The following TYR variants were observed in gnomAD, a reference collection of about 807,000 sequenced individuals.
TYR encodes tyrosinase.
In TYR, 58 loss-of-function variants were observed where a neutral mutation model predicts 51.5. That is an observed-to-expected ratio of 1.13 (90% CI 0.91 to 1.40). TYR has a LOEUF of 1.40. Among genes scored for constraint, TYR ranks in the 40% most tolerant of loss-of-function variants. The probability of loss-of-function intolerance (pLI) is 0.00; values close to 1 mark genes in which losing one functional copy is unlikely to be tolerated. For missense variants in TYR, 732 were observed against 647.4 expected, an observed-to-expected ratio of 1.13 and a Z score of -1.42; for synonymous variants, 263 against 235.2, an observed-to-expected ratio of 1.12 and a Z score of -1.08.
chr11:89,245,941 C>CA lies in TYR; in HGVS notation c.1184+17979dup, dbSNP rs200386722. ...ATCTCAAAAAAAAAAAACAAACAAA[C>CA]AAAAAAAACAAAACAGAATCTGAAG... is the stretch of plus-strand genomic sequence containing the variant. On this transcript the variant is annotated intron_variant, in intron 3 of 4. Transcript: ENST00000263321. 1.4e-3 allele frequency among the ~76,000 whole-genome samples: 209 copies of CA among 150,630 alleles called. 2 individuals are homozygous for CA. The highest frequency in any genetic ancestry group is 3.8e-3 in the African/African-American group (154 of 41,032).
At chr11:89,251,360 T>C (rs1164533185) in intron 3 of TYR, among the ~76,000 whole-genome samples, 1 of 151,946 alleles carries the variant, frequency 6.6e-6, no homozygotes, top group Non-Finnish European at 1.5e-5. Context: ...CAAAACAAAT[T>C]TCTGCTTGTC....
chr11:89,274,439 A>G (rs1401720596), intron 3 of TYR, among the ~76,000 whole-genome samples: 2 of 151,882 alleles, frequency 1.3e-5, no homozygotes, highest in African/African-American at 2.4e-5. Context: ...AGGAAATTAA[A>G]TTGGCTCCTA....
intron 3 of TYR, among the ~76,000 whole-genome samples, chr11:89,268,634 A>T (rs889436099): frequency 1.3e-5 from 2 of 151,934 alleles, no homozygotes; most frequent in African/African-American, 4.8e-5. Context: ...TAATACACAC[A>T]TCCATTATAA....
intron 3 of TYR, among the ~76,000 whole-genome samples, chr11:89,267,845 G>A (rs1944544100): frequency 1.3e-5 from 2 of 151,806 alleles, no homozygotes; most frequent in African/African-American, 4.8e-5. Flanking sequence ...ATACACAATT[G>A]GAAGCACTTG....
intron 3 of TYR, among the ~76,000 whole-genome samples, chr11:89,249,150 A>C (rs1944302967): frequency 1.3e-5 from 2 of 152,102 alleles, no homozygotes; most frequent in South Asian, 4.1e-4. Flanking sequence ...TGAATCTTGG[A>C]GTATCAAGCT....
At chr11:89,277,432 C>A (rs976435610) in intron 3 of TYR, among the ~76,000 whole-genome samples, 1 of 151,636 alleles carries the variant, frequency 6.6e-6, no homozygotes, top group Non-Finnish European at 1.5e-5. Context: ...AAAATAACTC[C>A]AGATTCTCTT....
chr11:89,187,797 T>A lies in TYR; in HGVS notation c.820-3405T>A, dbSNP rs368134633. ...ACCAAAGTTTTCAAATGTCTTTGTGTCAGGCACCATACCATTACACAATAA... is the reference window on the plus strand; with the variant it reads ...ACCAAAGTTTTCAAATGTCTTTGTGACAGGCACCATACCATTACACAATAA... On this transcript the variant is annotated intron_variant, in intron 1 of 4. Transcript: ENST00000263321. Among the ~76,000 whole-genome samples, 120 of 152,128 alleles carry A rather than the reference T, an allele frequency of 7.9e-4. 3 individuals are homozygous for A. In the South Asian group the frequency reaches 0.025, roughly 32 times the overall value.
chr11:89,217,098 C>T (rs578141890), intron 2 of TYR, among the ~76,000 whole-genome samples: 1 of 152,238 alleles, frequency 6.6e-6, no homozygotes, highest in East Asian at 1.9e-4. Flanking sequence ...GCACTCTTAC[C>T]ATAATGTTCT....
intron 3 of TYR, among the ~76,000 whole-genome samples, chr11:89,257,225 G>A (rs1425879260): frequency 2.6e-5 from 4 of 151,930 alleles, no homozygotes; most frequent in South Asian, 4.1e-4. Context: ...GTAGGACATC[G>A]TTGGGGCTGG....
Position 89,192,488 on chromosome 11 carries a change from C to T in TYR, c.1036+1070C>T, listed in dbSNP as rs180796508. Among the ~76,000 whole-genome samples the T allele has an allele frequency of 2.6e-5, 4 of 152,146 alleles. No homozygotes were observed. The East Asian group carries it at 7.7e-4, about 29-fold the overall frequency. ...TTCCTCTCTTTTGTAATCCTTTCTC[C>T]TTGACTTGTTCTTTTTTTTTCCTTT... is the stretch of plus-strand genomic sequence containing the variant. On this transcript the variant is annotated intron_variant, in intron 2 of 4. Transcript: ENST00000263321.
intron 2 of TYR, among the ~76,000 whole-genome samples, chr11:89,218,709 C>A (rs988523860): frequency 6.6e-6 from 1 of 152,170 alleles, no homozygotes; most frequent in Non-Finnish European, 1.5e-5. Flanking sequence ...CTTAATTATT[C>A]TTCTTAAATG....
chr11:89,270,290 T>G (rs1239168434), intron 3 of TYR, among the ~76,000 whole-genome samples: 8 of 151,886 alleles, frequency 5.3e-5, no homozygotes, highest in Non-Finnish European at 1.2e-4. Flanking sequence ...CTGCTATTCA[T>G]TTTTTAAAAC....
chr11:89,185,004 G>A (rs1156916721), intron 1 of TYR, among the ~76,000 whole-genome samples: 1 of 152,274 alleles, frequency 6.6e-6, no homozygotes, highest in South Asian at 2.1e-4. Context: ...CAGTGGGATA[G>A]GAGGACCAAT....
At chr11:89,220,669 G>T (rs977115790) in intron 2 of TYR, among the ~76,000 whole-genome samples, 11 of 152,046 alleles carry the variant, frequency 7.2e-5, no homozygotes, top group Non-Finnish European at 1.3e-4. Context: ...CAGAAAAATC[G>T]CTTGAACCTG....
chr11:89,225,056 G>A (rs1277776956), intron 2 of TYR, among the ~76,000 whole-genome samples: 2 of 151,380 alleles, frequency 1.3e-5, no homozygotes, highest in African/African-American at 2.4e-5. Context: ...AAGCTTCTTG[G>A]CAGTTATTTA....
chr11:89,196,327 A>G (rs2135257500), intron 2 of TYR, among the ~76,000 whole-genome samples: 1 of 152,314 alleles, frequency 6.6e-6, no homozygotes, highest in Middle Eastern at 3.4e-3. Context: ...AGAACCAAAA[A>G]TAAATAATGT....
intron 2 of TYR, among the ~76,000 whole-genome samples, chr11:89,192,670 T>C (rs1414762452): frequency 6.6e-6 from 1 of 152,104 alleles, no homozygotes; most frequent in Non-Finnish European, 1.5e-5. Context: ...ATGAATTCTG[T>C]TTTCCAGCTA....
At chr11:89,193,443 C>T (rs1327017216) in intron 2 of TYR, among the ~76,000 whole-genome samples, 1 of 152,062 alleles carries the variant, frequency 6.6e-6, no homozygotes, top group African/African-American at 2.4e-5. Context: ...TTTGCTACTA[C>T]AAATAATTTA....
At chr11:89,221,185 T>A (rs1943907938) in intron 2 of TYR, among the ~76,000 whole-genome samples, 1 of 152,180 alleles carries the variant, frequency 6.6e-6, no homozygotes, top group Admixed American at 6.5e-5. Flanking sequence ...CTGTTAGGGT[T>A]AGAGGATTTG....
Sources: allele counts gnomAD v4.1 joint callset (sites outside exome capture counted in the v4.1 genomes callset), GRCh38; gene constraint gnomAD v4.1.1; transcripts MANE v1.5; gene names NCBI Gene and HGNC (gene_info 2026-07-23, HGNC 2026-07-21).